Variants in SPI1 observed in about 807,000 individuals in gnomAD.
SPI1 encodes Spi-1 proto-oncogene, also known as transcription factor PU.1.
SPI1 carries 3 observed loss-of-function variants against 30.7 expected under a neutral mutation model. The ratio of observed to expected loss-of-function variants is 0.10; its 90% CI spans 0.04 to 0.25. The LOEUF is 0.25. Ranked by LOEUF, SPI1 falls within the 10% of genes least tolerant of loss-of-function variation. The pLI, the probability that SPI1 is intolerant of heterozygous loss-of-function variation, is 1.00. For missense variants in SPI1, 261 were observed against 371.5 expected, an observed-to-expected ratio of 0.70 and a Z score of 2.45; for synonymous variants, 169 against 157.1, an observed-to-expected ratio of 1.08 and a Z score of -0.56.
chr11:47,357,651 C>T (rs1380733941), intron 4 of SPI1, among the ~76,000 whole-genome samples: 1 of 152,198 alleles, frequency 6.6e-6, no homozygotes, highest in Non-Finnish European at 1.5e-5. Flanking sequence ...CTGCAACCTC[C>T]ACCTCCCGGG....
At position 47,375,420 on chromosome 11, in the gene SPI1, C is replaced by T. The variant is rs2095940951; in HGVS notation, c.142+213G>A. ...GCAGATAACCATGGAAGAAATGAAC[C>T]CCGCACCTTGACACACTGCAGAGGC... On this transcript the variant is annotated intron_variant, in intron 2 of 4. Transcript: ENST00000378538. This position sits in a 1 kb window ranked among gnomAD's most constrained non-coding sequence, Gnocchi z 4.2. Among the ~76,000 whole-genome samples the T allele has an allele frequency of 6.6e-6, 1 of 152,180 alleles. No individual in the cohort carries two copies. The highest frequency in any genetic ancestry group is 1.5e-5 in the Non-Finnish European group (1 of 68,038).
At chr11:47,357,209 GCA>G (rs551464999) in intron 4 of SPI1, among the ~76,000 whole-genome samples, 107 of 143,094 alleles carry the variant, frequency 7.5e-4, no homozygotes, top group Admixed American at 2.8e-3. Flanking sequence ...ACACATATCT[GCA>G]CACACACATG....
Position 47,358,266 on chromosome 11 carries a change from C to T in SPI1, c.493+578G>A, listed in dbSNP as rs1364276698. On this transcript the variant is annotated intron_variant, in intron 4 of 4. Coordinates refer to ENST00000378538, the MANE Select transcript of SPI1 (RefSeq NM_003120.3). ...CACACATATACACTTGCTCACACAC[C>T]TGCTGTCACACCCCCACTCACACAT... 6.4e-5 allele frequency: 29 copies of T among 452,270 alleles called. No homozygotes were observed. The South Asian group carries it at 6.5e-4, about 10-fold the overall frequency. The allele number at this position is 452,270 out of a possible 1,614,324, so 28.0% of individuals were successfully genotyped here. A position where few individuals can be genotyped will look rare whatever the true frequency, so the allele number is the denominator to read the frequency against.
rs1468241530 is a variant in SPI1, at chr11:47,359,679, G to A, written c.330+174C>T. Among the ~76,000 whole-genome samples, 1 of 151,824 alleles carries A rather than the reference G, an allele frequency of 6.6e-6. No homozygotes were observed. The highest frequency in any genetic ancestry group is 1.5e-5 in the Non-Finnish European group (1 of 67,962). The stretch of plus-strand genomic sequence containing the variant: ...GGTGAGATGAGATAAGGGGTGTGGG[G>A]TCATGAGGTCACTTGGGGGGTCAGG... On this transcript the variant is annotated intron_variant, in intron 3 of 4. Transcript: ENST00000378538. The surrounding 1 kb of genome is among the most constrained non-coding windows in gnomAD (Gnocchi z 5.1).
At position 47,375,694 on chromosome 11, in the gene SPI1, T is replaced by C. The variant is rs1354347058; in HGVS notation, c.81A>G (p.Leu27=). ...SEDLVPYDTD[L]YQRQTHEYYP... ...AATACTCGTGCGTTTGGCGTTGGTA[T>C]AGATCCGTGTCATAGGGCACCAGGT... The change falls in exon 2 of 5, where the codon CTA becomes CTG. Residue 27 remains leucine (L), a synonymous_variant. Transcript: ENST00000378538. This position sits in a 1 kb window ranked among gnomAD's most constrained non-coding sequence, Gnocchi z 4.2. The C allele has an allele frequency of 6.2e-7, 1 of 1,613,974 alleles. No homozygotes were observed.
intron 4 of SPI1, among the ~76,000 whole-genome samples, chr11:47,357,154 TCACA>T (rs756639579): frequency 1.4e-5 from 2 of 145,124 alleles, no homozygotes; most frequent in Non-Finnish European, 3.0e-5. Flanking sequence ...ACCTCATACC[TCACA>T]CACATGCTCA....
intron 2 of SPI1, among the ~76,000 whole-genome samples, chr11:47,367,957 C>T (rs2095930782): frequency 1.3e-5 from 2 of 152,026 alleles, no homozygotes; most frequent in South Asian, 4.2e-4. Context: ...TGGGGTTTCA[C>T]CATGTTAGCC....
chr11:47,378,134 C>T (rs774930060), intron 1 of SPI1, among the ~76,000 whole-genome samples, 175 bp downstream of exon 1: 12 of 152,252 alleles, frequency 7.9e-5, no homozygotes, highest in South Asian at 2.1e-4. Flanking sequence ...GGGCATGCTC[C>T]GAGGAAGCCA....
At chr11:47,372,033 A>G (rs2095936614) in intron 2 of SPI1, among the ~76,000 whole-genome samples, 2 of 150,902 alleles carry the variant, frequency 1.3e-5, no homozygotes, top group Non-Finnish European at 2.9e-5. Context: ...TTCCCTGACC[A>G]CTCAAATGAA....
intron 1 of SPI1, among the ~76,000 whole-genome samples, chr11:47,377,383 C>T (rs565459582): frequency 2.4e-4 from 36 of 152,238 alleles, no homozygotes; most frequent in Non-Finnish European, 4.9e-4. Context: ...CCTCCTCACT[C>T]CTGAGAGGTC....
At chr11:47,356,521 TGCTCACA>T (rs1230205690) in intron 4 of SPI1, among the ~76,000 whole-genome samples, 3 of 151,304 alleles carry the variant, frequency 2.0e-5, no homozygotes, top group Non-Finnish European at 4.4e-5. Flanking sequence ...CACTCACACC[TGCTCACA>T]CACACCTCAC....
At position 47,375,580 on chromosome 11, in the gene SPI1, C is replaced by T; in HGVS notation, c.142+53G>A. 1.5e-6 allele frequency: 2 copies of T among 1,375,820 alleles called. No homozygotes were observed. The highest frequency in any genetic ancestry group is 2.1e-6 in the Non-Finnish European group (2 of 963,148). The allele number at this position is 1,375,820 out of a possible 1,614,324, so 85.2% of individuals were successfully genotyped here. ...TTTATTCTTTTTCTCTCTCCAGACC[C>T]CAGGAGCCCAGGCTGGGCTGGGGGA... On this transcript the variant is annotated intron_variant, in intron 2 of 4. Transcript: ENST00000378538. The surrounding 1 kb of genome is among the most constrained non-coding windows in gnomAD (Gnocchi z 4.2).
intron 2 of SPI1, among the ~76,000 whole-genome samples, chr11:47,371,308 T>G (rs1222355375): frequency 7.5e-5 from 6 of 80,022 alleles, no homozygotes; most frequent in African/African-American, 1.9e-4. Flanking sequence ...TGCAGTGAGC[T>G]GACATCACAC....
At position 47,359,910 on chromosome 11, in the gene SPI1, C is replaced by T; in HGVS notation, c.273G>A (p.Glu91=). 1.2e-6 allele frequency: 2 copies of T among 1,610,904 alleles called. No homozygotes were observed. The highest frequency in any genetic ancestry group is 1.7e-6 in the Non-Finnish European group (2 of 1,179,874). ...TGGGGGTATCGAGGACGTGCATCTG[C>T]TCCAGCTCCATGTGGCGGTAGAGCT... The part of the protein sequence containing the change: ...LQQLYRHMEL[E]QMHVLDTPMV... The change falls in exon 3 of 5, where the codon GAG becomes GAA. Residue 91 remains glutamate, a synonymous_variant. Transcript: ENST00000378538. This position sits in a 1 kb window ranked among gnomAD's most constrained non-coding sequence, Gnocchi z 5.1.
At position 47,377,398 on chromosome 11, in the gene SPI1, G is replaced by A. The variant is rs553684595; in HGVS notation, c.45+911C>T. ...CCTCCTCACTCCTGAGAGGTCATGG[G>A]GTGGGAAAAGGGAGAAGGGTCCTTT... On this transcript the variant is annotated intron_variant, in intron 1 of 4. Transcript: ENST00000378538. Among the ~76,000 whole-genome samples, 3 of 152,248 alleles carry A rather than the reference G, an allele frequency of 2.0e-5. No homozygotes were observed. The South Asian group carries it at 6.2e-4, about 32-fold the overall frequency.
chr11:47,373,036 C>T (rs1252778463), intron 2 of SPI1, among the ~76,000 whole-genome samples: 2 of 152,094 alleles, frequency 1.3e-5, no homozygotes, highest in African/African-American at 2.4e-5. Context: ...AGTCTTCAGA[C>T]GATACCTTCC....
chr11:47,374,096 C>T lies in SPI1; in HGVS notation c.142+1537G>A, dbSNP rs1440664384. ...TGTGGTGACCCGAGCCACCAGGGGGCGCCTGTCCCAGGGCCCAGCGGGACC... is the reference window on the plus strand; with the variant it reads ...TGTGGTGACCCGAGCCACCAGGGGGTGCCTGTCCCAGGGCCCAGCGGGACC... On this transcript the variant is annotated intron_variant, in intron 2 of 4. Transcript: ENST00000378538. This position sits in a 1 kb window ranked among gnomAD's most constrained non-coding sequence, Gnocchi z 4.5. 1.3e-5 allele frequency among the ~76,000 whole-genome samples: 2 copies of T among 152,148 alleles called. No individual in the cohort carries two copies. The highest frequency in any genetic ancestry group is 2.4e-5 in the African/African-American group (1 of 41,434).
At chr11:47,364,131 G>A (rs905624409) in intron 2 of SPI1, among the ~76,000 whole-genome samples, 4 of 122,078 alleles carry the variant, frequency 3.3e-5, no homozygotes, top group African/African-American at 1.2e-4. Flanking sequence ...GCTCACTGCA[G>A]CTCCGCCTCC....
intron 2 of SPI1, among the ~76,000 whole-genome samples, chr11:47,366,514 A>T (rs1020670657): frequency 6.6e-6 from 1 of 152,128 alleles, no homozygotes; most frequent in Non-Finnish European, 1.5e-5. Context: ...ATCACAGACC[A>T]CTAGACTAGG....
Sources: allele counts gnomAD v4.1 joint callset (sites outside exome capture counted in the v4.1 genomes callset), GRCh38; gene constraint gnomAD v4.1.1; non-coding constraint Gnocchi (gnomAD v3.1); transcripts MANE v1.5; gene names NCBI Gene and HGNC (gene_info 2026-07-23, HGNC 2026-07-21).